The following VTI1A variants were observed in gnomAD, a reference collection of about 807,000 sequenced individuals.
VTI1A encodes vesicle transport through interaction with t-SNAREs 1A.
VTI1A carries 22 observed loss-of-function variants against 34.9 expected under a neutral mutation model. That is an observed-to-expected ratio of 0.63 (90% CI 0.45 to 0.90). The LOEUF (loss-of-function observed/expected upper bound fraction) is 0.90, where lower values mean the gene tolerates loss of function less well. VTI1A is among the 40% of genes least tolerant of loss of function. VTI1A has a pLI of 0.00. For missense variants in VTI1A, 268 were observed against 275.6 expected (o/e 0.97, Z 0.20); for synonymous variants, 87 against 97.3 (o/e 0.89, Z 0.62).
chr10:112,521,185 A>G (rs749062896), intron 3 of VTI1A, among the ~76,000 whole-genome samples: 22 of 152,098 alleles, frequency 1.4e-4, no homozygotes, highest in Non-Finnish European at 2.8e-4. Flanking sequence ...GAATGACTAC[A>G]TAGAAGAAAC....
At chr10:112,851,791 G>A in the VTI1A span, among the ~76,000 whole-genome samples, 3 of 151,980 alleles carry the variant, frequency 2.0e-5, no homozygotes, top group Non-Finnish European at 4.4e-5. Flanking sequence ...GCTCAGGGAG[G>A]GGCACTTGGC....
chr10:112,627,391 T>G (rs1421895092), intron 5 of VTI1A, among the ~76,000 whole-genome samples: 1 of 152,194 alleles, frequency 6.6e-6, no homozygotes, highest in Non-Finnish European at 1.5e-5. Flanking sequence ...CAAACCCTAG[T>G]CCTTATATGA....
intron 4 of VTI1A, among the ~76,000 whole-genome samples, chr10:112,537,517 A>G (rs1850690848): frequency 6.6e-6 from 1 of 151,762 alleles, no homozygotes; most frequent in South Asian, 2.1e-4. Flanking sequence ...TCCCCATCAG[A>G]TAAATATAAA....
At chr10:112,616,682 A>G (rs1845523402) in intron 5 of VTI1A, among the ~76,000 whole-genome samples, 1 of 152,180 alleles carries the variant, frequency 6.6e-6, no homozygotes, top group African/African-American at 2.4e-5. Context: ...ATATATACAG[A>G]AAACTAAAGT....
chr10:112,633,553 G>T (rs929156648), intron 5 of VTI1A, among the ~76,000 whole-genome samples: 6 of 152,178 alleles, frequency 3.9e-5, no homozygotes, highest in Admixed American at 3.9e-4. Flanking sequence ...CAACACAGCA[G>T]GATACCCAGG....
chr10:112,584,756 C>T (rs555321018), intron 5 of VTI1A, among the ~76,000 whole-genome samples: 4 of 152,264 alleles, frequency 2.6e-5, no homozygotes, highest in Admixed American at 2.6e-4. Flanking sequence ...GAATTATTGT[C>T]CCCATTCAAC....
the VTI1A span, chr10:112,825,276 C>A: frequency 1.3e-5 from 2 of 152,918 alleles, no homozygotes; most frequent in Non-Finnish European, 2.9e-5. Context: ...CTCCCTGCCT[C>A]CCACCCAGCA....
chr10:112,680,814 C>T (rs1342288219), intron 7 of VTI1A, among the ~76,000 whole-genome samples: 3 of 152,118 alleles, frequency 2.0e-5, no homozygotes, highest in Admixed American at 2.0e-4. Context: ...GTCACTGCCC[C>T]ATTCTTAACC....
At chr10:112,829,614 C>T in the VTI1A span, among the ~76,000 whole-genome samples, 1 of 151,710 alleles carries the variant, frequency 6.6e-6, no homozygotes, top group South Asian at 2.1e-4. Context: ...ATTAGCGGGG[C>T]ATGGTGGCAG....
chr10:112,665,482 C>T (rs1029300301), intron 5 of VTI1A, among the ~76,000 whole-genome samples: 2 of 152,110 alleles, frequency 1.3e-5, no homozygotes, highest in Non-Finnish European at 1.5e-5. Flanking sequence ...TTGGGTGTTA[C>T]GACCGGGATG....
chr10:112,609,612 A>G (rs909917423), intron 5 of VTI1A, among the ~76,000 whole-genome samples: 1 of 152,174 alleles, frequency 6.6e-6, no homozygotes, highest in Non-Finnish European at 1.5e-5. Context: ...CATAGAAGCC[A>G]TGTTTCTTGT....
intron 5 of VTI1A, among the ~76,000 whole-genome samples, chr10:112,568,985 T>C (rs960751160): frequency 5.2e-4 from 79 of 152,180 alleles, no homozygotes; most frequent in Non-Finnish European, 1.8e-4. Flanking sequence ...TGAAACCCTG[T>C]CTCTGCTAAA....
intron 5 of VTI1A, among the ~76,000 whole-genome samples, chr10:112,617,395 A>G (rs1441834734): frequency 2.0e-5 from 3 of 152,160 alleles, no homozygotes; most frequent in African/African-American, 4.8e-5. Flanking sequence ...GTACTTCAGA[A>G]TGGAGGAAAA....
intron 7 of VTI1A, among the ~76,000 whole-genome samples, chr10:112,704,231 T>C (rs1478437518): frequency 6.6e-6 from 1 of 152,200 alleles, no homozygotes; most frequent in Non-Finnish European, 1.5e-5. Context: ...ATATTTAAAG[T>C]CATCGTCTGA....
intron 5 of VTI1A, among the ~76,000 whole-genome samples, chr10:112,627,201 C>T (rs1026562028): frequency 2.6e-5 from 4 of 152,096 alleles, no homozygotes; most frequent in Admixed American, 2.6e-4. Flanking sequence ...GGGGATAGAC[C>T]TTGGGATTCT....
intron 5 of VTI1A, among the ~76,000 whole-genome samples, chr10:112,603,472 TTTTG>T (rs1395205102): frequency 2.0e-5 from 3 of 152,172 alleles, no homozygotes; most frequent in Non-Finnish European, 1.5e-5. Context: ...TTGTTTTATG[TTTTG>T]TTTGTTTGGT....
the VTI1A span, among the ~76,000 whole-genome samples, chr10:112,842,010 T>C: frequency 3.2e-4 from 48 of 151,242 alleles, no homozygotes; most frequent in Non-Finnish European, 5.9e-4. Flanking sequence ...TTTCCAACAA[T>C]TGGATACAGA....
intron 7 of VTI1A, among the ~76,000 whole-genome samples, chr10:112,707,038 A>G (rs753752624): frequency 1.5e-4 from 23 of 152,342 alleles, no homozygotes; most frequent in Non-Finnish European, 3.1e-4. Context: ...TTTAAAAACT[A>G]TTACTTTCAT....
intron 4 of VTI1A, among the ~76,000 whole-genome samples, chr10:112,535,972 A>G (rs2134247121): frequency 6.6e-6 from 1 of 152,362 alleles, no homozygotes; most frequent in African/African-American, 2.4e-5. Context: ...CTCTGATAAA[A>G]TTGAACTGTT....
Sources: gnomAD v4.1 joint callset for allele counts (sites outside exome capture counted in the v4.1 genomes callset) on GRCh38, gnomAD v4.1.1 for gene constraint, MANE v1.5 for transcripts, NCBI Gene and HGNC (gene_info 2026-07-23, HGNC 2026-07-21) for gene names.